DACH1: variants seen among roughly 807,000 people sequenced by gnomAD.
DACH1 encodes the protein dachshund homolog 1.
A neutral mutation model predicts 54.2 loss-of-function variants in DACH1; 12 were observed. The ratio of observed to expected loss-of-function variants is 0.22; its 90% CI spans 0.14 to 0.36. The LOEUF (loss-of-function observed/expected upper bound fraction) is 0.36, where lower values mean the gene tolerates loss of function less well. DACH1 is among the 10% of genes least tolerant of loss of function. The pLI is 1.00. For synonymous variants in DACH1, 386 were observed against 366.2 expected, an observed-to-expected ratio of 1.05 and a Z score of -0.62; for missense variants, 805 against 929.8, an observed-to-expected ratio of 0.87 and a Z score of 1.75.
At chr13:71,675,274 C>G (rs1430583207) in intron 2 of DACH1, 1 of 1,597,972 alleles carries the variant, frequency 6.3e-7, no homozygotes, top group East Asian at 2.2e-5. Context: ...CTTCCAGAGT[C>G]TGGTGCGAGA....
chr13:71,810,727 A>G (rs1311401778), intron 1 of DACH1, among the ~76,000 whole-genome samples: 2 of 152,198 alleles, frequency 1.3e-5, no homozygotes, highest in Admixed American at 1.3e-4. Context: ...ATTTTTAACA[A>G]AATGCACTAC....
intron 1 of DACH1, among the ~76,000 whole-genome samples, chr13:71,763,516 T>C (rs1421926697): frequency 6.9e-6 from 1 of 144,600 alleles, no homozygotes; most frequent in Non-Finnish European, 1.5e-5. Context: ...GTTTAATATC[T>C]TATCAAAGCT....
chr13:71,754,645 G>C (rs1471874602), intron 1 of DACH1, among the ~76,000 whole-genome samples: 4 of 151,576 alleles, frequency 2.6e-5, no homozygotes, highest in African/African-American at 9.7e-5. Flanking sequence ...AATACCCCAG[G>C]GTGTCTCACA....
chr13:71,507,777 T>C (rs1435077952), intron 6 of DACH1, among the ~76,000 whole-genome samples: 1 of 152,188 alleles, frequency 6.6e-6, no homozygotes, highest in Non-Finnish European at 1.5e-5. Flanking sequence ...AGATAATACA[T>C]AACTTTTGGA....
Position 71,785,838 on chromosome 13 carries a change from T to A in DACH1, c.848+80084A>T, listed in dbSNP as rs111526674. ...CTCCCTCTTCAACTAACCAATCCCA[T>A]GCTACTTTCTTCTACCTATTTTTGC... On this transcript the variant is annotated intron_variant, in intron 1 of 10. Transcript: ENST00000613252. Among the ~76,000 whole-genome samples the A allele has an allele frequency of 4.3e-3, 660 of 152,332 alleles. 3 individuals carry two copies. Among genetic ancestry groups the A allele is most frequent in the African/African-American group, 0.015 (626 of 41,580 alleles).
chr13:71,672,344 T>C (rs1880254712), intron 2 of DACH1, among the ~76,000 whole-genome samples: 2 of 152,172 alleles, frequency 1.3e-5, no homozygotes, highest in African/African-American at 4.8e-5. Flanking sequence ...GCAAGGTTTT[T>C]TATAAACACT....
chr13:71,527,924 CT>C (rs922170460), intron 6 of DACH1, among the ~76,000 whole-genome samples: 31 of 147,928 alleles, frequency 2.1e-4, no homozygotes, highest in Non-Finnish European at 3.1e-4. Flanking sequence ...TTTGTTAACA[CT>C]TTTTTTTTTA....
chr13:71,451,965 T>A (rs2138118266), intron 10 of DACH1, among the ~76,000 whole-genome samples: 1 of 152,292 alleles, frequency 6.6e-6, no homozygotes, highest in Non-Finnish European at 1.5e-5. Context: ...TATGTGCATC[T>A]TACTCTCAAA....
At chr13:71,459,392 TGTA>T (rs1334663485) in intron 10 of DACH1, among the ~76,000 whole-genome samples, 1 of 151,896 alleles carries the variant, frequency 6.6e-6, no homozygotes, top group Non-Finnish European at 1.5e-5. Flanking sequence ...TTATAACAGT[TGTA>T]GTGTTTCAGG....
At chr13:71,555,733 T>G (rs919386372) in intron 6 of DACH1, among the ~76,000 whole-genome samples, 1 of 152,120 alleles carries the variant, frequency 6.6e-6, no homozygotes, top group Non-Finnish European at 1.5e-5. Context: ...ATAATATACA[T>G]GACATTCTGC....
intron 1 of DACH1, among the ~76,000 whole-genome samples, chr13:71,781,419 C>T (rs2138067196): frequency 6.6e-6 from 1 of 151,120 alleles, no homozygotes; most frequent in East Asian, 2.0e-4. Context: ...AGCTCTGTCA[C>T]CCAGGCTGGA....
At chr13:71,722,914 G>A (rs1883296142) in intron 1 of DACH1, among the ~76,000 whole-genome samples, 1 of 152,084 alleles carries the variant, frequency 6.6e-6, no homozygotes, top group Non-Finnish European at 1.5e-5. Flanking sequence ...CTCCCTCAAT[G>A]CTTAGGAGCA....
At chr13:71,549,843 A>T (rs181155516) in intron 6 of DACH1, among the ~76,000 whole-genome samples, 8 of 152,152 alleles carry the variant, frequency 5.3e-5, no homozygotes. Context: ...TCTAATACCC[A>T]CTATCACCTG....
At position 71,853,840 on chromosome 13, in the gene DACH1, G is replaced by A. The variant is rs1159383517; in HGVS notation, c.848+12082C>T. 7.9e-5 allele frequency among the ~76,000 whole-genome samples: 12 copies of A among 152,080 alleles called. No individual in the cohort carries two copies. In the South Asian group the frequency reaches 1.7e-3, roughly 21 times the overall value. ...ATTCTAACAAGCTCATTTTTCATGC[G>A]TTTTGTCTTTCATCCTAATCTAGCA... On this transcript the variant is annotated intron_variant, in intron 1 of 10. Transcript: ENST00000613252.
chr13:71,686,626 A>G (rs1347706231), intron 1 of DACH1, among the ~76,000 whole-genome samples: 1 of 152,180 alleles, frequency 6.6e-6, no homozygotes, highest in Non-Finnish European at 1.5e-5. Context: ...TCAATATCCA[A>G]TCTTCTTTGT....
At chr13:71,592,229 G>A (rs1294394012) in intron 3 of DACH1, among the ~76,000 whole-genome samples, 2 of 151,912 alleles carry the variant, frequency 1.3e-5, no homozygotes, top group East Asian at 3.9e-4. Flanking sequence ...GGAGAATTAG[G>A]GGCTGAGTGC....
At chr13:71,691,613 A>G (rs6562679) in intron 1 of DACH1, among the ~76,000 whole-genome samples, 123,284 of 143,516 alleles carry the variant, frequency 0.86, 53,525 homozygotes, top group African/African-American at 0.93. Context: ...TAAAAGTAAT[A>G]GAGTCAGGTT....
chr13:71,792,921 C>T (rs1264587211), intron 1 of DACH1, among the ~76,000 whole-genome samples: 3 of 152,128 alleles, frequency 2.0e-5, no homozygotes, highest in African/African-American at 7.2e-5. Flanking sequence ...AAGTAGCCTA[C>T]AGTGGACTAA....
intron 10 of DACH1, among the ~76,000 whole-genome samples, chr13:71,464,276 T>G (rs1212750495): frequency 6.6e-6 from 1 of 152,056 alleles, no homozygotes; most frequent in African/African-American, 2.4e-5. Context: ...ACTAAATCGC[T>G]GTATGTATTT....
Sources: allele counts gnomAD v4.1 joint callset (sites outside exome capture counted in the v4.1 genomes callset), GRCh38; gene constraint gnomAD v4.1.1; transcripts MANE v1.5; gene names NCBI Gene and HGNC (gene_info 2026-07-23, HGNC 2026-07-21).